Variants in ZFHX3 observed in about 807,000 individuals in gnomAD.
ZFHX3 encodes zinc finger homeobox protein 3.
A neutral mutation model predicts 279.1 loss-of-function variants in ZFHX3; 42 were observed. The observed-to-expected ratio is 0.15, with a 90% confidence interval of 0.12 to 0.19. ZFHX3 has a LOEUF of 0.19. Ranked by LOEUF, ZFHX3 falls within the 10% of genes least tolerant of loss-of-function variation. ZFHX3 has a pLI of 1.00. For synonymous variants in ZFHX3, 2,293 were observed against 1,957.8 expected, an observed-to-expected ratio of 1.17 and a Z score of -4.52; for missense variants, 4,981 against 4,754.0, an observed-to-expected ratio of 1.05 and a Z score of -1.40.
intron 4 of ZFHX3, among the ~76,000 whole-genome samples, chr16:73,284,325 A>G (rs1324502101): frequency 6.6e-6 from 1 of 151,358 alleles, no homozygotes; most frequent in Non-Finnish European, 1.5e-5. Context: ...TCAAAAAAAA[A>G]AAAAAAAAAA....
chr16:73,519,499 C>T (rs2019577118), intron 2 of ZFHX3, among the ~76,000 whole-genome samples: 1 of 152,084 alleles, frequency 6.6e-6, no homozygotes, highest in Non-Finnish European at 1.5e-5. Flanking sequence ...CATAAGTTGT[C>T]CTACTTTCAG....
intron 1 of ZFHX3, among the ~76,000 whole-genome samples, chr16:73,754,015 GATTCAATTTTATACTTTCT>G (rs1555499749): frequency 4.0e-4 from 13 of 32,202 alleles, no homozygotes; most frequent in Non-Finnish European, 6.0e-4. Context: ...TGTAAAATCT[GATTCAATTTTATACTTTCT>G]TGGACTGCCT....
intron 2 of ZFHX3, among the ~76,000 whole-genome samples, chr16:73,633,749 T>C (rs1271320777): frequency 6.6e-6 from 1 of 151,838 alleles, no homozygotes; most frequent in African/African-American, 2.4e-5. Flanking sequence ...AATACGAAAA[T>C]TAGTTGGGCA....
At chr16:73,865,416 T>A (rs1001758756) in intron 1 of ZFHX3, among the ~76,000 whole-genome samples, 1 of 152,114 alleles carries the variant, frequency 6.6e-6, no homozygotes, top group African/African-American at 2.4e-5. Context: ...GGGGTGGGCA[T>A]GAGGCACCTC....
chr16:73,105,282 GACAC>G (rs1193463610), intron 7 of ZFHX3, among the ~76,000 whole-genome samples: 3 of 141,604 alleles, frequency 2.1e-5, no homozygotes, highest in African/African-American at 7.9e-5. Context: ...TACACACACA[GACAC>G]ACACATACAT....
intron 1 of ZFHX3, among the ~76,000 whole-genome samples, chr16:72,980,098 C>A (rs987988203): frequency 6.6e-6 from 1 of 152,190 alleles, no homozygotes; most frequent in South Asian, 2.1e-4. Context: ...ACTGTTTCCA[C>A]TGATAGACAA....
intron 4 of ZFHX3, among the ~76,000 whole-genome samples, chr16:72,881,262 A>C (rs1335796054): frequency 1.3e-5 from 2 of 152,224 alleles, no homozygotes; most frequent in Non-Finnish European, 2.9e-5. Flanking sequence ...TTTATTTAGC[A>C]TTAACAGAGA....
intron 4 of ZFHX3, among the ~76,000 whole-genome samples, chr16:72,883,663 A>C (rs2038551569): frequency 6.6e-6 from 1 of 152,226 alleles, no homozygotes; most frequent in South Asian, 2.1e-4. Context: ...TGCATTGTAA[A>C]GCATCTTTCT....
intron 3 of ZFHX3, among the ~76,000 whole-genome samples, chr16:73,334,251 G>A (rs533860898): frequency 6.6e-6 from 1 of 152,156 alleles, no homozygotes; most frequent in East Asian, 1.9e-4. Flanking sequence ...TAAGCCACAC[G>A]GGCTGAGCAG....
At chr16:73,560,052 A>AG (rs1301662693) in intron 2 of ZFHX3, among the ~76,000 whole-genome samples, 1 of 152,188 alleles carries the variant, frequency 6.6e-6, no homozygotes, top group Non-Finnish European at 1.5e-5. Flanking sequence ...TAAAGACCTG[A>AG]GGGGGGAAAA....
chr16:73,718,822 G>T (rs1422564434), intron 1 of ZFHX3, among the ~76,000 whole-genome samples: 1 of 151,846 alleles, frequency 6.6e-6, no homozygotes, highest in Admixed American at 6.6e-5. Context: ...CGCCATATTG[G>T]CCAGGCTGGT....
intron 3 of ZFHX3, among the ~76,000 whole-genome samples, chr16:72,909,660 T>C (rs192341099): frequency 2.6e-4 from 39 of 152,224 alleles, no homozygotes; most frequent in Admixed American, 9.8e-4. Context: ...GAGGATCGCT[T>C]GAGCTCAGGA....
At chr16:73,831,434 A>T (rs1368972257) in intron 1 of ZFHX3, among the ~76,000 whole-genome samples, 1 of 152,212 alleles carries the variant, frequency 6.6e-6, no homozygotes, top group African/African-American at 2.4e-5. Context: ...CATAAGAAAC[A>T]GATGGGAATG....
chr16:73,784,816 T>TATACACACAC (rs1555501460), intron 1 of ZFHX3, among the ~76,000 whole-genome samples: 40 of 135,526 alleles, frequency 3.0e-4, no homozygotes, highest in African/African-American at 1.0e-3. Context: ...TATATATATA[T>TATACACACAC]ACACACACAC....
chr16:73,263,925 G>T (rs1159001352), intron 4 of ZFHX3, among the ~76,000 whole-genome samples: 1 of 152,164 alleles, frequency 6.6e-6, no homozygotes, highest in Non-Finnish European at 1.5e-5. Flanking sequence ...CCAGCACTTT[G>T]GGAGGCCCAG....
intron 2 of ZFHX3, among the ~76,000 whole-genome samples, chr16:73,547,063 T>C (rs553138026): frequency 6.6e-6 from 1 of 152,108 alleles, no homozygotes; most frequent in Admixed American, 6.5e-5. Context: ...TTTTCTTACA[T>C]TGAAATGATA....
At chr16:73,069,689 C>T (rs1270116921) in intron 8 of ZFHX3, among the ~76,000 whole-genome samples, 1 of 152,060 alleles carries the variant, frequency 6.6e-6, no homozygotes, top group Non-Finnish European at 1.5e-5. Context: ...CCAACTGGTC[C>T]CAGTTTACCT....
At chr16:73,687,029 T>A (rs1268622758) in intron 1 of ZFHX3, among the ~76,000 whole-genome samples, 1 of 41,890 alleles carries the variant, frequency 2.4e-5, no homozygotes, top group East Asian at 7.2e-4. Context: ...TATATATATA[T>A]ATATATATAT....
chr16:72,836,629 G>T (rs1231709322), intron 4 of ZFHX3, among the ~76,000 whole-genome samples: 1 of 152,040 alleles, frequency 6.6e-6, no homozygotes, highest in Non-Finnish European at 1.5e-5. Context: ...CTCCATGGAA[G>T]TCCTCTGTGG....
Sources: gnomAD v4.1 joint callset for allele counts (sites outside exome capture counted in the v4.1 genomes callset) on GRCh38, gnomAD v4.1.1 for gene constraint, MANE v1.5 for transcripts, NCBI Gene and HGNC (gene_info 2026-07-23, HGNC 2026-07-21) for gene names.